NAV3: variants seen among roughly 807,000 people sequenced by gnomAD.
NAV3 encodes the protein pore membrane and/or filament interacting like protein 1.
A neutral mutation model predicts 244.7 loss-of-function variants in NAV3; 87 were observed. That is an observed-to-expected ratio of 0.36 (90% CI 0.30 to 0.42). The LOEUF (loss-of-function observed/expected upper bound fraction) is 0.42. NAV3 is among the 20% of genes least tolerant of loss of function. The pLI is 1.00. For missense variants in NAV3, 2,663 were observed against 2,893.3 expected, an observed-to-expected ratio of 0.92 and a Z score of 1.83; for synonymous variants, 1,126 against 1,042.2, an observed-to-expected ratio of 1.08 and a Z score of -1.55.
At chr12:78,110,008 C>T (rs1334773452) in intron 12 of NAV3, among the ~76,000 whole-genome samples, 1 of 151,946 alleles carries the variant, frequency 6.6e-6, no homozygotes, top group Non-Finnish European at 1.5e-5. Context: ...AACATTGTTC[C>T]TCTTTGCTGA....
intron 2 of NAV3, among the ~76,000 whole-genome samples, chr12:77,777,149 C>T (rs1236807560): frequency 6.6e-6 from 1 of 152,066 alleles, no homozygotes; most frequent in Non-Finnish European, 1.5e-5. Context: ...GCACCAAACC[C>T]TATATATTTG....
At chr12:77,616,025 C>A (rs1275006585) in intron 2 of NAV3, among the ~76,000 whole-genome samples, 1 of 152,138 alleles carries the variant, frequency 6.6e-6, no homozygotes, top group Non-Finnish European at 1.5e-5. Flanking sequence ...TTAGTTCTTC[C>A]ATTTTAGCAG....
chr12:77,974,207 C>A (rs1183616712), intron 5 of NAV3, among the ~76,000 whole-genome samples: 1 of 151,428 alleles, frequency 6.6e-6, no homozygotes, highest in Non-Finnish European at 1.5e-5. Flanking sequence ...CTTGATTAAC[C>A]CAGTAATCAA....
intron 2 of NAV3, among the ~76,000 whole-genome samples, chr12:77,655,286 G>C (rs1289730570): frequency 1.3e-5 from 2 of 152,154 alleles, no homozygotes; most frequent in Non-Finnish European, 2.9e-5. Context: ...TGAAAGCCAA[G>C]GCTCGAGAAC....
At chr12:77,724,239 A>T (rs1001816268) in intron 2 of NAV3, among the ~76,000 whole-genome samples, 8 of 152,056 alleles carry the variant, frequency 5.3e-5, no homozygotes, top group African/African-American at 1.4e-4. Context: ...GTGGGCACTT[A>T]TGTATTTGTT....
intron 1 of NAV3, among the ~76,000 whole-genome samples, chr12:77,893,002 C>T (rs765113698): frequency 3.9e-5 from 6 of 151,990 alleles, no homozygotes; most frequent in Non-Finnish European, 2.9e-5. Context: ...TCCTTCTGTG[C>T]CATTGAGTGA....
intron 2 of NAV3, among the ~76,000 whole-genome samples, chr12:77,650,859 G>A (rs1263481853): frequency 1.3e-5 from 2 of 152,090 alleles, no homozygotes; most frequent in Admixed American, 1.3e-4. Flanking sequence ...TTCAGTGACA[G>A]ACTTAATAAA....
intron 2 of NAV3, among the ~76,000 whole-genome samples, chr12:77,755,020 T>A (rs1341255371): frequency 6.6e-6 from 1 of 152,174 alleles, no homozygotes; most frequent in Admixed American, 6.5e-5. Flanking sequence ...GGGAAAAGTT[T>A]TTTTGCTGAA....
chr12:78,192,915 T>C (rs1202962393), intron 34 of NAV3, among the ~76,000 whole-genome samples: 2 of 151,778 alleles, frequency 1.3e-5, no homozygotes, highest in African/African-American at 4.8e-5. Context: ...TTCCTGGGAG[T>C]TGGGGGTGAG....
At chr12:77,766,850 T>C (rs1052280362) in intron 2 of NAV3, among the ~76,000 whole-genome samples, 40 of 143,346 alleles carry the variant, frequency 2.8e-4, no homozygotes, top group African/African-American at 1.0e-3. Flanking sequence ...ACCTCCTGGG[T>C]TCCAGCAATT....
intron 1 of NAV3, among the ~76,000 whole-genome samples, chr12:77,848,053 C>T (rs773906648): frequency 6.6e-6 from 1 of 152,182 alleles, no homozygotes; most frequent in South Asian, 2.1e-4. Flanking sequence ...TCCTGTTGTA[C>T]AGCAGACTTT....
intron 1 of NAV3, among the ~76,000 whole-genome samples, chr12:77,847,091 T>A (rs74997012): frequency 0.012 from 1,820 of 152,232 alleles, 31 homozygotes; most frequent in African/African-American, 0.041. Context: ...CAAGACTTTC[T>A]TTTCACTTCA....
At chr12:77,737,094 A>T (rs1165002262) in intron 2 of NAV3, among the ~76,000 whole-genome samples, 1 of 151,786 alleles carries the variant, frequency 6.6e-6, no homozygotes, top group Non-Finnish European at 1.5e-5. Flanking sequence ...GGCTAGTAAC[A>T]CTATTCACTC....
At chr12:77,722,842 C>T (rs956933169) in intron 2 of NAV3, among the ~76,000 whole-genome samples, 3 of 151,928 alleles carry the variant, frequency 2.0e-5, no homozygotes, top group Non-Finnish European at 2.9e-5. Flanking sequence ...AGTTTTCTAG[C>T]CAAAATCTCA....
intron 2 of NAV3, among the ~76,000 whole-genome samples, chr12:77,579,466 G>T (rs139983741): frequency 1.1e-4 from 16 of 152,326 alleles, no homozygotes; most frequent in Non-Finnish European, 2.1e-4. Context: ...CCTGGTGAGG[G>T]CCTCTTGCTG....
At chr12:77,779,491 A>G (rs1242928249) in intron 2 of NAV3, among the ~76,000 whole-genome samples, 1 of 152,230 alleles carries the variant, frequency 6.6e-6, no homozygotes, top group Non-Finnish European at 1.5e-5. Context: ...CAATGTGAAT[A>G]AAGTATGAAT....
At chr12:78,111,726 G>C (rs1299386805) in intron 12 of NAV3, among the ~76,000 whole-genome samples, 1 of 151,860 alleles carries the variant, frequency 6.6e-6, no homozygotes, top group Non-Finnish European at 1.5e-5. Flanking sequence ...ATGTCTTTTG[G>C]AAAAAATTTT....
intron 2 of NAV3, among the ~76,000 whole-genome samples, chr12:77,702,201 T>C (rs942277166): frequency 1.3e-5 from 2 of 152,032 alleles, no homozygotes; most frequent in African/African-American, 4.8e-5. Context: ...CTATCATTAG[T>C]GCAAAAGGTC....
chr12:78,110,052 C>A (rs1249481117), intron 12 of NAV3, among the ~76,000 whole-genome samples: 1 of 151,966 alleles, frequency 6.6e-6, no homozygotes, highest in Non-Finnish European at 1.5e-5. Context: ...ATACTAAAAA[C>A]TCCAGCAAAA....
Sources: gnomAD v4.1 joint callset for allele counts (sites outside exome capture counted in the v4.1 genomes callset) on GRCh38, gnomAD v4.1.1 for gene constraint, MANE v1.5 for transcripts, NCBI Gene and HGNC (gene_info 2026-07-23, HGNC 2026-07-21) for gene names.